The following NCOR2 variants were observed in gnomAD, a reference collection of about 807,000 sequenced individuals.
The protein encoded by NCOR2 is nuclear receptor corepressor 2.
Under a neutral mutation model 262.9 loss-of-function variants are expected in NCOR2, and 81 were observed. The ratio of observed to expected loss-of-function variants is 0.31; its 90% CI spans 0.26 to 0.37. NCOR2 has a LOEUF of 0.37. NCOR2 is among the 10% of genes least tolerant of loss of function. The probability of loss-of-function intolerance (pLI) is 1.00; values close to 1 mark genes in which losing one functional copy is unlikely to be tolerated. For synonymous variants in NCOR2, 1,659 were observed against 1,559.3 expected (o/e 1.06, Z -1.51); for missense variants, 3,385 against 3,621.4 (o/e 0.93, Z 1.68).
intron 3 of NCOR2, among the ~76,000 whole-genome samples, chr12:124,474,804 C>G (rs1565977182): frequency 6.6e-6 from 1 of 152,168 alleles, no homozygotes; most frequent in African/African-American, 2.4e-5. Flanking sequence ...AGAACCCAGC[C>G]CCCGCCCTGT....
chr12:124,375,925 G>A (rs913969184), intron 18 of NCOR2, among the ~76,000 whole-genome samples: 1 of 152,196 alleles, frequency 6.6e-6, no homozygotes, highest in Non-Finnish European at 1.5e-5. Flanking sequence ...GGTCTCCGGG[G>A]AGATTCAGGC....
At chr12:124,484,692 T>C (rs1254465636) in intron 2 of NCOR2, among the ~76,000 whole-genome samples, 1 of 152,110 alleles carries the variant, frequency 6.6e-6, no homozygotes, top group Non-Finnish European at 1.5e-5. Flanking sequence ...CTCCCCTTCC[T>C]GTCATGGTGC....
intron 28 of NCOR2, among the ~76,000 whole-genome samples, chr12:124,349,729 G>C (rs1157365312): frequency 1.3e-5 from 2 of 152,146 alleles, no homozygotes; most frequent in Middle Eastern, 3.2e-3. Context: ...GCACTGGTCT[G>C]GGGTCCCAAG....
intron 42 of NCOR2, 78 bp downstream of exon 44, chr12:124,333,050 GCA>G: frequency 6.7e-7 from 1 of 1,498,718 alleles, no homozygotes; most frequent in South Asian, 1.3e-5. Flanking sequence ...TCTCCACATG[GCA>G]CCACGGTGGA....
intron 6 of NCOR2, among the ~76,000 whole-genome samples, chr12:124,456,903 C>T (rs979876894): frequency 6.6e-6 from 1 of 151,274 alleles, no homozygotes. Context: ...TCCCCACCCC[C>T]ACCCAGCCCA....
At chr12:124,341,706 C>CACAAGG in intron 34 of NCOR2, 117 bp downstream of exon 36, 2 of 1,471,090 alleles carry the variant, frequency 1.4e-6, no homozygotes, top group Non-Finnish European at 1.8e-6. Context: ...GGTCCGTTCA[C>CACAAGG]ACAAGGTGAC....
At chr12:124,425,996 A>T (rs942876514) in intron 11 of NCOR2, among the ~76,000 whole-genome samples, 1 of 152,244 alleles carries the variant, frequency 6.6e-6, no homozygotes, top group African/African-American at 2.4e-5. Context: ...TGTCAAAGAC[A>T]AAACAAAATA....
chr12:124,432,931 C>CT lies in NCOR2; in HGVS notation c.883-2145dup, dbSNP rs2044055225. Among the ~76,000 whole-genome samples, 2 of 152,218 alleles carry CT rather than the reference C, an allele frequency of 1.3e-5. No individual in the cohort carries two copies. The highest frequency in any genetic ancestry group is 4.8e-5 in the African/African-American group (2 of 41,472). ...CCACACAACCCCAGTTACTCCACCT[C>CT]TAACAGCTGGGGGTGGACAGACGGT... is the stretch of plus-strand genomic sequence containing the variant. On this transcript the variant is annotated intron_variant, in intron 8 of 46. Transcript: ENST00000405201. The surrounding 1 kb of genome is among the most constrained non-coding windows in gnomAD (Gnocchi z 5.1).
At position 124,431,199 on chromosome 12, in the gene NCOR2, C is replaced by A. The variant is rs531891587; in HGVS notation, c.883-412G>T. ...ACAAAGTCACACAGACATGCACACACAGGCACACACACATACAGTCAGACA... is the reference window on the plus strand; with the variant it reads ...ACAAAGTCACACAGACATGCACACAAAGGCACACACACATACAGTCAGACA... On this transcript the variant is annotated intron_variant, in intron 8 of 46. Coordinates refer to ENST00000405201, the Ensembl canonical transcript of NCOR2. Among the ~76,000 whole-genome samples, 3 of 146,814 alleles carry A rather than the reference C, an allele frequency of 2.0e-5. No individual in the cohort carries two copies. In the East Asian group the frequency reaches 5.8e-4, roughly 28 times the overall value.
chr12:124,395,299 G>A (rs2041579847), intron 16 of NCOR2, among the ~76,000 whole-genome samples: 1 of 151,610 alleles, frequency 6.6e-6, no homozygotes, highest in Non-Finnish European at 1.5e-5. Context: ...TGGAGGAGTT[G>A]CTGGGGCCTG....
intron 1 of NCOR2, among the ~76,000 whole-genome samples, chr12:124,550,165 A>C (rs837486): frequency 0.9 from 136,118 of 151,896 alleles, 61,271 homozygotes; most frequent in East Asian, 1. Context: ...GAGTGACCCA[A>C]CCCCCAAAAC....
At chr12:124,425,477 G>A (rs2043479878) in intron 11 of NCOR2, among the ~76,000 whole-genome samples, 1 of 151,768 alleles carries the variant, frequency 6.6e-6, no homozygotes, top group Non-Finnish European at 1.5e-5. Flanking sequence ...TTTTCTGTGT[G>A]GCCCAAGACA....
chr12:124,333,755 AGGGTGGGGGTGGGGGCGG>A, intron 41 of NCOR2, among the ~76,000 whole-genome samples: 1 of 151,552 alleles, frequency 6.6e-6, no homozygotes, highest in South Asian at 2.1e-4. Flanking sequence ...ACGGTTCACC[AGGGTGGGGGTGGGGGCGG>A]GGGTGGGAGT....
intron 16 of NCOR2, among the ~76,000 whole-genome samples, chr12:124,397,046 C>T (rs936697897): frequency 9.8e-5 from 15 of 152,300 alleles, no homozygotes; most frequent in Non-Finnish European, 1.0e-4. Context: ...ACACCAGCTC[C>T]GGAACCCGTG....
intron 7 of NCOR2, among the ~76,000 whole-genome samples, chr12:124,445,050 C>G (rs1368801635): frequency 6.6e-6 from 1 of 152,148 alleles, no homozygotes; most frequent in African/African-American, 2.4e-5. Flanking sequence ...CAGCCGACCC[C>G]CAAATGAGGC....
At chr12:124,501,292 T>C (rs941178) in intron 1 of NCOR2, among the ~76,000 whole-genome samples, 151,464 of 152,030 alleles carry the variant, frequency 1, 75,453 homozygotes, top group Non-Finnish European at 1. Context: ...TAGGTATTTG[T>C]TCCACTCACT....
intron 16 of NCOR2, among the ~76,000 whole-genome samples, chr12:124,394,748 T>C (rs1425896475): frequency 6.6e-6 from 1 of 152,312 alleles, no homozygotes; most frequent in East Asian, 1.9e-4. Flanking sequence ...TTGGATGCCT[T>C]CAACTTGGAC....
At position 124,505,744 on chromosome 12, in the gene NCOR2, C is replaced by T. The variant is rs187714922; in HGVS notation, c.-117-10376G>A. On this transcript the variant is annotated intron_variant, in intron 1 of 46. Transcript: ENST00000404621. ...CCCCAGAAGGAGAGCGTGGCTGTTA[C>T]TGCCCTCTGCCACGCCGACCACTCG... Among the ~76,000 whole-genome samples, 11 of 152,272 alleles carry T rather than the reference C, an allele frequency of 7.2e-5. No homozygotes were observed. In the East Asian group the frequency reaches 2.1e-3, roughly 29 times the overall value.
chr12:124,527,316 G>C (rs1234387788), intron 1 of NCOR2, among the ~76,000 whole-genome samples: 1 of 152,176 alleles, frequency 6.6e-6, no homozygotes, highest in Non-Finnish European at 1.5e-5. Context: ...TGTGACCTCG[G>C]GCAAGATGCG....
Sources: gnomAD v4.1 joint callset for allele counts (sites outside exome capture counted in the v4.1 genomes callset) on GRCh38, gnomAD v4.1.1 for gene constraint, Gnocchi (gnomAD v3.1) non-coding constraint, MANE v1.5 for transcripts, NCBI Gene and HGNC (gene_info 2026-07-23, HGNC 2026-07-21) for gene names.